Variants in NRXN3 observed in about 807,000 individuals in gnomAD.
NRXN3 encodes neurexin 3, also known as neurexin III.
A neutral mutation model predicts 137.6 loss-of-function variants in NRXN3; 32 were observed. That is an observed-to-expected ratio of 0.23 (90% CI 0.18 to 0.31). The LOEUF (loss-of-function observed/expected upper bound fraction) is 0.31. Ranked by LOEUF, NRXN3 falls within the 10% of genes least tolerant of loss-of-function variation. NRXN3 has a pLI of 1.00. For missense variants in NRXN3, 1,574 were observed against 2,062.5 expected, an observed-to-expected ratio of 0.76 and a Z score of 4.59; for synonymous variants, 798 against 784.5, an observed-to-expected ratio of 1.02 and a Z score of -0.29.
chr14:78,632,358 A>G (rs1427355612), intron 4 of NRXN3, among the ~76,000 whole-genome samples: 1 of 152,192 alleles, frequency 6.6e-6, no homozygotes. Context: ...TTAAAAAATC[A>G]GATAATGTAT....
At chr14:79,320,295 G>A (rs1287721838) in intron 15 of NRXN3, among the ~76,000 whole-genome samples, 4 of 152,160 alleles carry the variant, frequency 2.6e-5, no homozygotes, top group Non-Finnish European at 5.9e-5. Flanking sequence ...TGCAGGAAAT[G>A]CTATCAGTAG....
chr14:79,639,501 A>G (rs2098422166), intron 16 of NRXN3, among the ~76,000 whole-genome samples: 1 of 151,996 alleles, frequency 6.6e-6, no homozygotes, highest in Non-Finnish European at 1.5e-5. Flanking sequence ...AGTTGTTTAA[A>G]TATGTGTCCT....
chr14:78,304,459 G>A (rs557894420), intron 4 of NRXN3, among the ~76,000 whole-genome samples: 2 of 152,318 alleles, frequency 1.3e-5, no homozygotes, highest in South Asian at 2.1e-4. Flanking sequence ...TGAGGAGGCC[G>A]TTGGGCAGGA....
intron 19 of NRXN3, among the ~76,000 whole-genome samples, chr14:79,718,497 A>G (rs537378947): frequency 1.3e-5 from 2 of 152,362 alleles, no homozygotes; most frequent in South Asian, 4.1e-4. Context: ...TTACTCTGCC[A>G]TGTTGAGAAA....
At chr14:78,532,626 G>T (rs538669259) in intron 4 of NRXN3, among the ~76,000 whole-genome samples, 2 of 151,688 alleles carry the variant, frequency 1.3e-5, no homozygotes, top group Non-Finnish European at 2.9e-5. Context: ...TTCTCTACTT[G>T]TCTTCATTCT....
At chr14:79,136,696 A>C (rs2058260521) in intron 15 of NRXN3, among the ~76,000 whole-genome samples, 1 of 152,208 alleles carries the variant, frequency 6.6e-6, no homozygotes, top group Non-Finnish European at 1.5e-5. Context: ...GGAGAAAATG[A>C]GCTTCATAAA....
intron 16 of NRXN3, among the ~76,000 whole-genome samples, chr14:79,565,273 G>A (rs1175419494): frequency 8.4e-6 from 1 of 119,102 alleles, no homozygotes; most frequent in Non-Finnish European, 1.7e-5. Context: ...ACATGTGTGT[G>A]TGTATACATA....
At chr14:79,174,884 G>A (rs1423128241) in intron 15 of NRXN3, among the ~76,000 whole-genome samples, 3 of 151,826 alleles carry the variant, frequency 2.0e-5, no homozygotes, top group African/African-American at 4.8e-5. Flanking sequence ...CTTGGAGAGA[G>A]GAAGGGGAGC....
intron 15 of NRXN3, among the ~76,000 whole-genome samples, chr14:79,147,521 T>C (rs1212498692): frequency 1.3e-5 from 2 of 152,118 alleles, no homozygotes; most frequent in African/African-American, 2.4e-5. Context: ...AATAAGCTTC[T>C]ATACTTGAGG....
chr14:78,335,256 C>T (rs2081324382), intron 4 of NRXN3, among the ~76,000 whole-genome samples: 1 of 152,210 alleles, frequency 6.6e-6, no homozygotes, highest in Non-Finnish European at 1.5e-5. Context: ...AAGGCTGTTG[C>T]ATTATTTTCC....
At chr14:79,281,710 C>T (rs2081302082) in intron 15 of NRXN3, 1 of 152,210 alleles carries the variant, frequency 6.6e-6, no homozygotes, top group African/African-American at 2.4e-5. Flanking sequence ...ATATAATTAA[C>T]AACCCGTGGC....
chr14:79,798,412 C>A (rs2099167339), intron 19 of NRXN3, among the ~76,000 whole-genome samples: 2 of 152,168 alleles, frequency 1.3e-5, no homozygotes, highest in Admixed American at 1.3e-4. Context: ...GGGGAAAGAA[C>A]TAAAACAGCA....
chr14:79,271,274 A>T (rs1274771635), intron 15 of NRXN3, among the ~76,000 whole-genome samples: 3 of 152,180 alleles, frequency 2.0e-5, no homozygotes, highest in Non-Finnish European at 4.4e-5. Flanking sequence ...TTTTTTAAAA[A>T]TATGGTCTTT....
At chr14:79,655,096 T>C (rs1417253937) in intron 16 of NRXN3, among the ~76,000 whole-genome samples, 1 of 152,172 alleles carries the variant, frequency 6.6e-6, no homozygotes, top group African/African-American at 2.4e-5. Flanking sequence ...TGCATATTCT[T>C]GGAAACTGAC....
intron 6 of NRXN3, among the ~76,000 whole-genome samples, chr14:78,659,834 G>A (rs1162210761): frequency 6.6e-6 from 1 of 151,956 alleles, no homozygotes; most frequent in African/African-American, 2.4e-5. Context: ...TGGATTACAA[G>A]GAATTGAAGT....
Position 79,148,771 on chromosome 14 carries a change from C to G in NRXN3, c.3262+160630C>G, listed in dbSNP as rs553923017. Among the ~76,000 whole-genome samples, 7 of 152,220 alleles carry G rather than the reference C, an allele frequency of 4.6e-5. 1 individual carries two copies. The highest frequency in any genetic ancestry group is 1.7e-4 in the African/African-American group (7 of 41,556). The stretch of plus-strand genomic sequence containing the variant: ...CCAATTTAATAAACATTCTCTGGCC[C>G]CTTCCACATATAACCCCTGGACTGC... On this transcript the variant is annotated intron_variant, in intron 15 of 20. Coordinates refer to ENST00000335750, the MANE Select transcript of NRXN3 (RefSeq NM_001330195.2).
chr14:79,593,796 CATT>C (rs2097834899), intron 16 of NRXN3, among the ~76,000 whole-genome samples: 1 of 152,120 alleles, frequency 6.6e-6, no homozygotes, highest in Non-Finnish European at 1.5e-5. Context: ...TAAGCAGACT[CATT>C]ATACTTTTTG....
intron 15 of NRXN3, among the ~76,000 whole-genome samples, chr14:79,173,735 C>T (rs1476405117): frequency 1.3e-5 from 2 of 152,040 alleles, no homozygotes; most frequent in Non-Finnish European, 2.9e-5. Flanking sequence ...GCAATCCAGA[C>T]CTCATACAAT....
intron 1 of NRXN3, among the ~76,000 whole-genome samples, chr14:78,202,320 A>G (rs1366352696): frequency 6.6e-6 from 1 of 152,250 alleles, no homozygotes; most frequent in Non-Finnish European, 1.5e-5. Context: ...TGAAATTTAG[A>G]TCAGCCTCTG....
Sources: gnomAD v4.1 joint callset for allele counts (sites outside exome capture counted in the v4.1 genomes callset) on GRCh38, gnomAD v4.1.1 for gene constraint, MANE v1.5 for transcripts, NCBI Gene and HGNC (gene_info 2026-07-23, HGNC 2026-07-21) for gene names.